The following CFAP45 variants were observed in gnomAD, a reference collection of about 807,000 sequenced individuals.
The protein encoded by CFAP45 is cilia and flagella associated protein 45.
A neutral mutation model predicts 75.6 loss-of-function variants in CFAP45; 43 were observed. The ratio of observed to expected loss-of-function variants is 0.57; its 90% CI spans 0.45 to 0.73. The LOEUF is 0.73. CFAP45 is among the 30% of genes least tolerant of loss of function. The pLI is 0.00. For missense variants in CFAP45, 689 were observed against 701.5 expected, an observed-to-expected ratio of 0.98 and a Z score of 0.20; for synonymous variants, 223 against 244.6, an observed-to-expected ratio of 0.91 and a Z score of 0.82.
In CFAP45 at chr1:159,888,380, G is replaced by A. The variant is rs145313899; in HGVS notation, c.389C>T (p.Ala130Val). ...TREELEARDQ[A>V]FKKEKEATMD... is the part of the protein sequence containing the mutation. ...GGTGGCTTCCTTCTCCTTCTTGAAG[G>A]CCTGGTCCCTGGCCTCAAGTTCTTC... The change falls in exon 4 of 12, where the codon GCC becomes GTC. Residue 130 changes from alanine (A) to valine (V), a missense_variant. Coordinates refer to ENST00000368099, the MANE Select transcript of CFAP45 (RefSeq NM_012337.3). The A allele has an allele frequency of 7.4e-6, 12 of 1,614,074 alleles. No homozygotes were observed. In the African/African-American group the frequency reaches 1.6e-4, roughly 22 times the overall value.
chr1:159,892,639 A>G (rs1649856050), intron 2 of CFAP45, among the ~76,000 whole-genome samples: 1 of 152,140 alleles, frequency 6.6e-6, no homozygotes, highest in Non-Finnish European at 1.5e-5. Context: ...AAATCAGTCA[A>G]AGCTCTACTA....
chr1:159,876,807 G>A (rs1482112473), intron 9 of CFAP45, 58 bp from the exon 10 acceptor site: 3 of 1,577,452 alleles, frequency 1.9e-6, no homozygotes, highest in Admixed American at 1.7e-5. Context: ...TACAGACCAA[G>A]TGGCTTTAAG....
chr1:159,878,753 TAAAAAAAAAAAAAAA>T (rs539116292), intron 8 of CFAP45, among the ~76,000 whole-genome samples: 938 of 32,530 alleles, frequency 0.029, 65 homozygotes, highest in African/African-American at 0.083. Context: ...AGACTACATC[TAAAAAAAAAAAAAAA>T]AAAAAAAAAA....
intron 8 of CFAP45, 46 bp downstream of exon 8, chr1:159,880,508 C>CA (rs766939952): frequency 1.3e-6 from 2 of 1,577,874 alleles, no homozygotes; most frequent in East Asian, 4.5e-5. Flanking sequence ...CTCCCTGTGA[C>CA]AGACATTCCA....
At chr1:159,875,345 G>A (rs1649374369) in intron 10 of CFAP45, among the ~76,000 whole-genome samples, 1 of 152,174 alleles carries the variant, frequency 6.6e-6, no homozygotes, top group African/African-American at 2.4e-5. Flanking sequence ...CATTTAGGAA[G>A]CTACTTTCTT....
At chr1:159,897,886 C>CA (rs945208383) in intron 1 of CFAP45, among the ~76,000 whole-genome samples, 33 of 151,926 alleles carry the variant, frequency 2.2e-4, no homozygotes, top group Non-Finnish European at 1.0e-4. Context: ...AACAAACAAA[C>CA]AAAAAAACCA....
chr1:159,891,346 A>G (rs980045052), intron 2 of CFAP45, among the ~76,000 whole-genome samples: 2 of 152,174 alleles, frequency 1.3e-5, no homozygotes, highest in African/African-American at 4.8e-5. Context: ...ATTCTTTCTT[A>G]CGATTAAATT....
rs1557915570 is a variant in CFAP45, at chr1:159,890,635, A to G, written c.130-13T>C. The G allele has an allele frequency of 6.2e-7, 1 of 1,613,690 alleles. No homozygotes were observed. Among genetic ancestry groups the G allele is most frequent in the Non-Finnish European group, 8.5e-7 (1 of 1,179,772 alleles). On this transcript the variant is annotated splice_polypyrimidine_tract_variant and intron_variant, in intron 2 of 11. Transcript: ENST00000368099. ...CCTGGGCTGGGGACTATGAGTTCAG[A>G]AAGAATAGCTTAGAAGCTTGTCACC...
chr1:159,884,583 C>T lies in CFAP45; in HGVS notation c.768-18G>A, dbSNP rs761164701. 1 of 1,611,106 alleles carries T rather than the reference C, an allele frequency of 6.2e-7. No individual in the cohort carries two copies. Among genetic ancestry groups the T allele is most frequent in the Middle Eastern group, 1.7e-4 (1 of 5,942 alleles). On this transcript the variant is annotated intron_variant, in intron 6 of 11. Transcript: ENST00000368099. Reference sequence around the variant, plus strand: ...GCCTTCCTCTTGGAGAGAACAGTGCCACAGTGTCTTAGAAACCCCGGGTCC... The same window carrying T: ...GCCTTCCTCTTGGAGAGAACAGTGCTACAGTGTCTTAGAAACCCCGGGTCC...
intron 8 of CFAP45, 63 bp downstream of exon 8, chr1:159,880,490 GC>G (rs1649523715): frequency 6.7e-7 from 1 of 1,481,516 alleles, no homozygotes; most frequent in African/African-American, 1.4e-5. Flanking sequence ...TAGTTCTCAG[GC>G]CCTCCTCTCC....
chr1:159,877,945 A>G (rs1379942211), intron 8 of CFAP45, among the ~76,000 whole-genome samples: 1 of 152,234 alleles, frequency 6.6e-6, no homozygotes. Flanking sequence ...TAAAACAATT[A>G]GCATTTATAA....
At chr1:159,891,860 T>C (rs1237169134) in intron 2 of CFAP45, among the ~76,000 whole-genome samples, 3 of 152,224 alleles carry the variant, frequency 2.0e-5, no homozygotes, top group Non-Finnish European at 2.9e-5. Context: ...CAAGCATTTT[T>C]CTGATAGCCC....
intron 7 of CFAP45, among the ~76,000 whole-genome samples, chr1:159,882,534 CTT>C (rs1205846820): frequency 6.6e-6 from 1 of 152,146 alleles, no homozygotes; most frequent in Non-Finnish European, 1.5e-5. Flanking sequence ...CTCTTTCCCC[CTT>C]TGTTAGCAAG....
intron 7 of CFAP45, 22 bp from the exon 8 acceptor site, chr1:159,880,722 C>A (rs943358217): frequency 3.1e-6 from 5 of 1,612,526 alleles, no homozygotes; most frequent in African/African-American, 2.7e-5. Flanking sequence ...AGAAAGAGAG[C>A]CTCAGAGTAC....
At chr1:159,875,143 C>A (rs1207407703) in intron 10 of CFAP45, among the ~76,000 whole-genome samples, 3 of 152,238 alleles carry the variant, frequency 2.0e-5, no homozygotes, top group Non-Finnish European at 4.4e-5. Flanking sequence ...CTGGCTAGTG[C>A]ATATGCTTCA....
chr1:159,898,095 C>G lies in CFAP45; in HGVS notation c.3+2001G>C, dbSNP rs576469605. 142 of 985,132 alleles carry G rather than the reference C, an allele frequency of 1.4e-4. No individual in the cohort carries two copies. The African/African-American group carries it at 2.4e-3, about 16-fold the overall frequency. The allele number at this position is 985,132 out of a possible 1,614,324, so 61.0% of individuals were successfully genotyped here. ...TCTGAGATCTAGTTCTTCTTTTGCA[C>G]AGTCTCCGCAGGCTGGCAAATTCAG... On this transcript the variant is annotated intron_variant, in intron 1 of 11. Transcript: ENST00000368099.
chr1:159,893,302 G>A lies in CFAP45; in HGVS notation c.7C>T (p.Leu3=). ...GAGCTCAGGATGCCAGCTGTGCTTA[G>A]TGGCTGCAGGAAGAGGCAGAAAGTT... The part of the protein sequence containing the change: MP[L]STAGILSSSS... The change falls in exon 2 of 12, where the codon CTA becomes TTA. Residue 3 remains leucine, a synonymous_variant. Coordinates refer to ENST00000368099, the MANE Select transcript of CFAP45 (RefSeq NM_012337.3). The A allele has an allele frequency of 6.2e-7, 1 of 1,613,026 alleles. No homozygotes were observed. The highest frequency in any genetic ancestry group is 8.5e-7 in the Non-Finnish European group (1 of 1,179,850).
intron 7 of CFAP45, among the ~76,000 whole-genome samples, chr1:159,883,623 AATAT>A (rs59275156): frequency 0.027 from 1,950 of 72,058 alleles, 42 homozygotes; most frequent in African/African-American, 0.065. Context: ...TTAACAATAA[AATAT>A]ATATATATAT....
At chr1:159,880,809 G>T (rs1184710449) in intron 7 of CFAP45, 109 bp from the exon 8 acceptor site, 4 of 968,308 alleles carry the variant, frequency 4.1e-6, no homozygotes, top group African/African-American at 1.6e-5. Flanking sequence ...TGCATTGCCT[G>T]CAGTCTAGTG....
Sources: gnomAD v4.1 joint callset for allele counts (sites outside exome capture counted in the v4.1 genomes callset) on GRCh38, gnomAD v4.1.1 for gene constraint, MANE v1.5 for transcripts, NCBI Gene and HGNC (gene_info 2026-07-23, HGNC 2026-07-21) for gene names.